Variants in ZNF277 observed in about 807,000 individuals in gnomAD.
ZNF277 encodes zinc finger protein 277.
A neutral mutation model predicts 60.7 loss-of-function variants in ZNF277; 55 were observed. That is an observed-to-expected ratio of 0.91 (90% CI 0.73 to 1.13). The LOEUF (loss-of-function observed/expected upper bound fraction) is 1.13, where lower values mean the gene tolerates loss of function less well. Among genes scored for constraint, ZNF277 ranks in the 50% most tolerant of loss-of-function variants. The pLI is 0.00. For missense variants in ZNF277, 510 were observed against 523.0 expected (o/e 0.98, Z 0.24); for synonymous variants, 178 against 179.3 (o/e 0.99, Z 0.06).
At chr7:112,311,546 GAA>G (rs1473270853) in intron 4 of ZNF277, among the ~76,000 whole-genome samples, 2 of 151,870 alleles carry the variant, frequency 1.3e-5, no homozygotes, top group African/African-American at 4.8e-5. Context: ...TTTTTTTTTA[GAA>G]AACATAAATC....
chr7:112,214,300 C>A (rs1563192969), intron 1 of ZNF277, among the ~76,000 whole-genome samples: 5 of 152,296 alleles, frequency 3.3e-5, no homozygotes, highest in Admixed American at 1.3e-4. Flanking sequence ...ACTGCTGTCT[C>A]CAGTGATTAA....
At chr7:112,298,941 T>C (rs1299539188) in intron 4 of ZNF277, among the ~76,000 whole-genome samples, 4 of 152,174 alleles carry the variant, frequency 2.6e-5, no homozygotes, top group African/African-American at 9.7e-5. Context: ...GTACTACTAT[T>C]CTAGGCTCTG....
intron 1 of ZNF277, among the ~76,000 whole-genome samples, chr7:112,271,272 C>T (rs1006202360): frequency 2.0e-5 from 3 of 151,912 alleles, no homozygotes; most frequent in Admixed American, 1.3e-4. Context: ...AATTTAATAC[C>T]GTATCCAAAA....
intron 10 of ZNF277, 152 bp downstream of exon 10, chr7:112,340,037 G>T: frequency 1.4e-6 from 1 of 707,562 alleles, no homozygotes. Flanking sequence ...CTGTGAAGCA[G>T]TGATGCTCAA....
At chr7:112,274,640 T>G (rs953365168) in intron 1 of ZNF277, among the ~76,000 whole-genome samples, 1 of 152,234 alleles carries the variant, frequency 6.6e-6, no homozygotes, top group Non-Finnish European at 1.5e-5. Context: ...CTCAGAAATT[T>G]ATGATTCTAT....
At chr7:112,311,955 A>G (rs1449817630) in intron 4 of ZNF277, among the ~76,000 whole-genome samples, 1 of 152,088 alleles carries the variant, frequency 6.6e-6, no homozygotes, top group Non-Finnish European at 1.5e-5. Context: ...GTGATATATG[A>G]CTGTCTTCTA....
At position 112,320,360 on chromosome 7, in the gene ZNF277, A is replaced by G. The variant is rs1475166631; in HGVS notation, c.557+2087A>G. Reference sequence around the variant, plus strand: ...CCAGTGAGAAAGATAAATAGTGTCTAGTTCTTATAAAACGTCCCCTTTCAT... The same window carrying G: ...CCAGTGAGAAAGATAAATAGTGTCTGGTTCTTATAAAACGTCCCCTTTCAT... On this transcript the variant is annotated intron_variant, in intron 5 of 11. Coordinates refer to ENST00000361822, the MANE Select transcript of ZNF277 (RefSeq NM_021994.3). Among the ~76,000 whole-genome samples the G allele has an allele frequency of 2.6e-5, 4 of 152,110 alleles. No homozygotes were observed. The East Asian group carries it at 7.7e-4, about 29-fold the overall frequency.
chr7:112,292,879 T>A (rs1244216543), intron 2 of ZNF277, among the ~76,000 whole-genome samples: 1 of 152,188 alleles, frequency 6.6e-6, no homozygotes, highest in Non-Finnish European at 1.5e-5. Context: ...TGAAATGTTG[T>A]TGTTGTTTTT....
In ZNF277 at chr7:112,339,628, T is replaced by C. The variant is rs185466794; in HGVS notation, c.967-215T>C. Reference sequence around the variant, plus strand: ...GCCACCGCGCCCGGCCCAATTATAATGGTTTAACTGATTGACATGACTTGT... The same window carrying C: ...GCCACCGCGCCCGGCCCAATTATAACGGTTTAACTGATTGACATGACTTGT... On this transcript the variant is annotated intron_variant, in intron 9 of 11. Transcript: ENST00000361822. Among the ~76,000 whole-genome samples, 50 of 152,320 alleles carry C rather than the reference T, an allele frequency of 3.3e-4. 3 individuals carry two copies. In the South Asian group the frequency reaches 0.01, roughly 31 times the overall value.
At chr7:112,218,681 C>T (rs531433157) in intron 1 of ZNF277, among the ~76,000 whole-genome samples, 60 of 152,244 alleles carry the variant, frequency 3.9e-4, no homozygotes, top group Non-Finnish European at 6.5e-4. Context: ...ATGAATGTGA[C>T]CATTTTAGAT....
chr7:112,315,180 G>A (rs34846440), intron 4 of ZNF277, among the ~76,000 whole-genome samples: 4,499 of 152,150 alleles, frequency 0.03, 100 homozygotes, highest in Non-Finnish European at 0.046. Context: ...CTCCCCCGAC[G>A]CTCATCTGAG....
intron 4 of ZNF277, among the ~76,000 whole-genome samples, chr7:112,311,658 G>T (rs575028795): frequency 6.6e-6 from 1 of 151,048 alleles, no homozygotes; most frequent in South Asian, 2.1e-4. Flanking sequence ...TCAAACATAT[G>T]CCACAGCTAA....
chr7:112,225,774 A>C (rs1340409622), intron 1 of ZNF277, among the ~76,000 whole-genome samples: 1 of 152,166 alleles, frequency 6.6e-6, no homozygotes, highest in Non-Finnish European at 1.5e-5. Flanking sequence ...TGTTTTTTTC[A>C]CTATGCTATT....
intron 1 of ZNF277, among the ~76,000 whole-genome samples, chr7:112,266,555 C>CT (rs143553569): frequency 0.033 from 4,909 of 148,990 alleles, 245 homozygotes; most frequent in African/African-American, 0.11. Context: ...AAAATGAAGA[C>CT]TTTTTTTTTT....
chr7:112,239,689 T>G (rs921371357), intron 1 of ZNF277, among the ~76,000 whole-genome samples: 1 of 152,164 alleles, frequency 6.6e-6, no homozygotes, highest in African/African-American at 2.4e-5. Flanking sequence ...TTATTCAGTC[T>G]GAAAGAAAAG....
chr7:112,337,704 A>G (rs1286387142), intron 8 of ZNF277, 26 bp from the exon 9 acceptor site: 2 of 1,594,912 alleles, frequency 1.3e-6, no homozygotes, highest in African/African-American at 2.7e-5. Context: ...GAATCTCCGT[A>G]TTTTCTCTCC....
chr7:112,320,633 C>T (rs541870568), intron 5 of ZNF277, among the ~76,000 whole-genome samples: 101 of 152,120 alleles, frequency 6.6e-4, no homozygotes, highest in African/African-American at 2.4e-3. Context: ...CCTCCACACC[C>T]TTCATTGTTT....
chr7:112,229,422 A>G (rs1318596929), intron 1 of ZNF277, among the ~76,000 whole-genome samples: 1 of 152,244 alleles, frequency 6.6e-6, no homozygotes, highest in Non-Finnish European at 1.5e-5. Context: ...TCCAAAGAGA[A>G]GCAGTGGTAG....
intron 4 of ZNF277, among the ~76,000 whole-genome samples, chr7:112,307,799 G>T (rs979257131): frequency 6.6e-6 from 1 of 151,812 alleles, no homozygotes; most frequent in African/African-American, 2.4e-5. Flanking sequence ...TAGTGGTTAA[G>T]TGCTACTTTT....
Sources: gnomAD v4.1 joint callset for allele counts (sites outside exome capture counted in the v4.1 genomes callset) on GRCh38, gnomAD v4.1.1 for gene constraint, MANE v1.5 for transcripts, NCBI Gene and HGNC (gene_info 2026-07-23, HGNC 2026-07-21) for gene names.